Variants in DPP6 observed in about 807,000 individuals in gnomAD.
DPP6 encodes dipeptidyl peptidase like 6.
A neutral mutation model predicts 122.6 loss-of-function variants in DPP6; 69 were observed. The ratio of observed to expected loss-of-function variants is 0.56; its 90% CI spans 0.46 to 0.69. The LOEUF is 0.69. Among genes scored for constraint, DPP6 ranks in the 30% least tolerant of loss-of-function variants. The pLI is 0.00. For synonymous variants in DPP6, 418 were observed against 433.1 expected, an observed-to-expected ratio of 0.97 and a Z score of 0.43; for missense variants, 928 against 1,116.9, an observed-to-expected ratio of 0.83 and a Z score of 2.41.
chr7:154,790,084 G>A (rs1431787028), intron 10 of DPP6, among the ~76,000 whole-genome samples: 1 of 152,168 alleles, frequency 6.6e-6, no homozygotes, highest in African/African-American at 2.4e-5. Flanking sequence ...TGTAATCCCA[G>A]CTATTTGGTA....
intron 7 of DPP6, among the ~76,000 whole-genome samples, chr7:154,678,533 C>T (rs1397200639): frequency 6.6e-6 from 1 of 152,086 alleles, no homozygotes; most frequent in Admixed American, 6.5e-5. Context: ...AAACTCCAGA[C>T]ACATCTGAAC....
chr7:153,850,275 C>G, the DPP6 span, among the ~76,000 whole-genome samples: 1 of 152,080 alleles, frequency 6.6e-6, no homozygotes, highest in South Asian at 2.1e-4. Flanking sequence ...ACTCCTATGG[C>G]TAATGGTGGC....
rs140327576 is a variant in DPP6 at position 154,594,661 on chromosome 7, T to G, written c.627+27745T>G. 3.2e-4 allele frequency among the ~76,000 whole-genome samples: 49 copies of G among 152,274 alleles called. 1 individual carries two copies. The highest frequency in any genetic ancestry group is 1.2e-3 in the African/African-American group (49 of 41,558). Reference sequence around the variant, plus strand: ...ACCTGATTCCCACCTTTAAGTATCCTAAAGGAACACAATGCCTTATCTTGC... The same window carrying G: ...ACCTGATTCCCACCTTTAAGTATCCGAAAGGAACACAATGCCTTATCTTGC... On this transcript the variant is annotated intron_variant, in intron 5 of 25. Coordinates refer to ENST00000377770, the MANE Select transcript of DPP6 (RefSeq NM_130797.4).
chr7:153,784,933 G>A, the DPP6 span, among the ~76,000 whole-genome samples: 1 of 152,194 alleles, frequency 6.6e-6, no homozygotes, highest in African/African-American at 2.4e-5. Context: ...AACCTCTTTT[G>A]TAGCATTTAG....
chr7:154,647,907 C>G (rs1358108542), intron 6 of DPP6, among the ~76,000 whole-genome samples: 3 of 151,954 alleles, frequency 2.0e-5, no homozygotes, highest in Non-Finnish European at 4.4e-5. Context: ...CCCTGGGTGG[C>G]CAAGCCTGGT....
intron 21 of DPP6, among the ~76,000 whole-genome samples, chr7:154,882,727 C>T (rs1015279773): frequency 6.6e-6 from 1 of 151,678 alleles, no homozygotes; most frequent in Non-Finnish European, 1.5e-5. Flanking sequence ...CAGAGCAGGC[C>T]GCGTGGCCCT....
intron 6 of DPP6, among the ~76,000 whole-genome samples, chr7:154,664,623 A>T (rs1838027347): frequency 2.0e-5 from 3 of 149,994 alleles, no homozygotes; most frequent in South Asian, 4.3e-4. Context: ...TAGGCACATA[A>T]TGAGGGCCTG....
chr7:154,205,087 C>CT (rs1165805203), intron 1 of DPP6, among the ~76,000 whole-genome samples: 12 of 152,146 alleles, frequency 7.9e-5, no homozygotes, highest in Admixed American at 7.9e-4. Context: ...TTATTTCTCT[C>CT]TAAGTGCTTC....
chr7:154,668,321 C>T (rs1214686586), intron 6 of DPP6, among the ~76,000 whole-genome samples: 4 of 148,944 alleles, frequency 2.7e-5, no homozygotes, highest in East Asian at 2.0e-4. Context: ...CCCGGGTTCA[C>T]GCCATTCTCC....
chr7:154,002,771 G>A (rs1190067735), intron 1 of DPP6, among the ~76,000 whole-genome samples: 2 of 152,158 alleles, frequency 1.3e-5, no homozygotes, highest in African/African-American at 4.8e-5. Flanking sequence ...TCTGCTTAGA[G>A]CCTGAGTGAC....
At chr7:154,267,075 C>G (rs2150926129) in intron 1 of DPP6, among the ~76,000 whole-genome samples, 1 of 152,042 alleles carries the variant, frequency 6.6e-6, no homozygotes, top group South Asian at 2.1e-4. Context: ...AAATTGAAAG[C>G]AAAAGCAGAT....
Position 154,446,281 on chromosome 7 carries a change from T to C in DPP6, c.311T>C (p.Leu104Pro). 1 of 1,612,842 alleles carries C rather than the reference T, an allele frequency of 6.2e-7. No individual in the cohort carries two copies. The highest frequency in any genetic ancestry group is 8.5e-7 in the Non-Finnish European group (1 of 1,179,294). The change falls in exon 2 of 26, where the codon CTG becomes CCG. Residue 104 changes from leucine to proline, a missense_variant. Physicochemically the swap from Leu to Pro is moderately conservative, Grantham distance 98 (BLOSUM62 -3). Transcript: ENST00000377770. ...ATAGCAATTGCACTGCTTGTCATTCTGGTCATCTGCTCCTTGATCGTCACC... is the reference window on the plus strand; with the variant it reads ...ATAGCAATTGCACTGCTTGTCATTCCGGTCATCTGCTCCTTGATCGTCACC... Reference protein sequence around the residue: ...KGIAIALLVILVICSLIVTSV... With the variant: ...KGIAIALLVIPVICSLIVTSV...
rs887304211 is a variant in DPP6, at chr7:154,105,941, G to C, written c.243+52878G>C. On this transcript the variant is annotated intron_variant, in intron 1 of 25. Coordinates refer to ENST00000377770, the MANE Select transcript of DPP6 (RefSeq NM_130797.4). ...TGCAGGCTCTTCAGGGCATGGCCCC[G>C]ACTCGCTTTCCCATCTCACTTTTGG... Among the ~76,000 whole-genome samples the C allele has an allele frequency of 2.0e-5, 3 of 149,250 alleles. No individual in the cohort carries two copies. In the East Asian group the frequency reaches 5.9e-4, roughly 29 times the overall value.
chr7:154,331,091 T>C (rs1459325914), intron 1 of DPP6, among the ~76,000 whole-genome samples: 1 of 152,236 alleles, frequency 6.6e-6, no homozygotes, highest in East Asian at 1.9e-4. Flanking sequence ...TTTTGTGCTC[T>C]GAGTGCCTGT....
chr7:154,156,623 C>T (rs1796693948), intron 1 of DPP6, among the ~76,000 whole-genome samples: 1 of 152,210 alleles, frequency 6.6e-6, no homozygotes, highest in Non-Finnish European at 1.5e-5. Context: ...ACAAAATTCA[C>T]AGACAAACAC....
chr7:154,222,311 C>T (rs1487775519), intron 1 of DPP6, among the ~76,000 whole-genome samples: 1 of 152,148 alleles, frequency 6.6e-6, no homozygotes, highest in African/African-American at 2.4e-5. Flanking sequence ...TCTGGCCTTC[C>T]TCAGGTCCTA....
intron 1 of DPP6, among the ~76,000 whole-genome samples, chr7:153,974,095 TAAAA>T (rs929970420): frequency 4.6e-5 from 7 of 152,106 alleles, no homozygotes; most frequent in African/African-American, 1.7e-4. Context: ...CTGACCGTCT[TAAAA>T]AAGCCTTTCT....
intron 1 of DPP6, among the ~76,000 whole-genome samples, chr7:154,129,626 A>G (rs1808210429): frequency 6.6e-6 from 1 of 152,208 alleles, no homozygotes; most frequent in Admixed American, 6.5e-5. Context: ...GCGGCCGGGC[A>G]CAGTGGCTTA....
the DPP6 span, among the ~76,000 whole-genome samples, chr7:153,769,927 G>A: frequency 6.6e-6 from 1 of 152,204 alleles, no homozygotes; most frequent in Admixed American, 6.5e-5. Flanking sequence ...GTGTGGGTTG[G>A]TGAGGGACAG....
Sources: allele counts gnomAD v4.1 joint callset (sites outside exome capture counted in the v4.1 genomes callset), GRCh38; gene constraint gnomAD v4.1.1; transcripts MANE v1.5; gene names NCBI Gene and HGNC (gene_info 2026-07-23, HGNC 2026-07-21).